The following B3GALT1 variants were observed in gnomAD, a reference collection of about 807,000 sequenced individuals.
B3GALT1 encodes UDP-Gal:betaGlcNAc beta 1,3-galactosyltransferase, polypeptide 1.
Under a neutral mutation model 23.2 loss-of-function variants are expected in B3GALT1, and 10 were observed. That is an observed-to-expected ratio of 0.43 (90% CI 0.27 to 0.73). The LOEUF (loss-of-function observed/expected upper bound fraction) is 0.73. Among genes scored for constraint, B3GALT1 ranks in the 30% least tolerant of loss-of-function variants. The pLI is 0.21. For missense variants in B3GALT1, 299 were observed against 405.4 expected (o/e 0.74, Z 2.25); for synonymous variants, 156 against 141.5 (o/e 1.10, Z -0.73).
chr2:167,500,359 C>T (rs1002935569), intron 2 of B3GALT1, among the ~76,000 whole-genome samples: 2 of 152,092 alleles, frequency 1.3e-5, no homozygotes, highest in Non-Finnish European at 2.9e-5. Flanking sequence ...TTCAGTGGCA[C>T]TTCTTCTAAA....
intron 2 of B3GALT1, among the ~76,000 whole-genome samples, chr2:167,596,104 T>G (rs1684769528): frequency 6.6e-6 from 1 of 152,200 alleles, no homozygotes; most frequent in African/African-American, 2.4e-5. Flanking sequence ...ATTTCTTCCT[T>G]TTAGCCTAGA....
intron 1 of B3GALT1, among the ~76,000 whole-genome samples, chr2:167,401,030 T>C (rs557225634): frequency 1.3e-5 from 2 of 152,248 alleles, no homozygotes; most frequent in African/African-American, 4.8e-5. Context: ...CAGGTCTTAA[T>C]TGAGTAGGCA....
intron 1 of B3GALT1, among the ~76,000 whole-genome samples, chr2:167,456,363 TCCCACCAGGC>T (rs957737195): frequency 6.6e-6 from 1 of 152,082 alleles, no homozygotes; most frequent in African/African-American, 2.4e-5. Context: ...GATCAACACC[TCCCACCAGGC>T]CCCACCTACA....
intron 4 of B3GALT1, among the ~76,000 whole-genome samples, chr2:167,821,049 A>G (rs1192629155): frequency 6.6e-6 from 1 of 152,206 alleles, no homozygotes. Context: ...ATGCAATCCT[A>G]ATGCCTTCCC....
At chr2:167,818,405 T>C (rs1259206032) in intron 3 of B3GALT1, among the ~76,000 whole-genome samples, 2 of 152,168 alleles carry the variant, frequency 1.3e-5, no homozygotes, top group African/African-American at 4.8e-5. Context: ...ACACCCAGTC[T>C]GCTGGCTCAT....
At chr2:167,793,182 C>A (rs1558980782) in intron 3 of B3GALT1, among the ~76,000 whole-genome samples, 1 of 152,166 alleles carries the variant, frequency 6.6e-6, no homozygotes, top group Non-Finnish European at 1.5e-5. Context: ...ATGCTGCTCG[C>A]AGGCACAGGA....
At chr2:167,540,283 G>T (rs1683514283) in intron 2 of B3GALT1, among the ~76,000 whole-genome samples, 1 of 152,088 alleles carries the variant, frequency 6.6e-6, no homozygotes, top group Non-Finnish European at 1.5e-5. Context: ...AAACTATAGT[G>T]CCCTGCTATT....
At chr2:167,449,376 A>G (rs915783315) in intron 1 of B3GALT1, among the ~76,000 whole-genome samples, 6 of 151,908 alleles carry the variant, frequency 3.9e-5, no homozygotes, top group Non-Finnish European at 5.9e-5. Context: ...AAAGGTGTTG[A>G]GTTCTTGATT....
chr2:167,775,941 C>T (rs1348428074), intron 3 of B3GALT1, among the ~76,000 whole-genome samples: 1 of 151,684 alleles, frequency 6.6e-6, no homozygotes, highest in Non-Finnish European at 1.5e-5. Context: ...CTTCAGGGAC[C>T]TGTAACTAAA....
intron 3 of B3GALT1, chr2:167,714,027 G>T: frequency 6.5e-7 from 1 of 1,541,468 alleles, no homozygotes; most frequent in South Asian, 1.1e-5. Context: ...TTTTCGGCAG[G>T]GAGAGATGAA....
At chr2:167,491,482 G>GTTTTTTTTTTTTTTTTTT (rs1491334969) in intron 2 of B3GALT1, among the ~76,000 whole-genome samples, 1 of 97,596 alleles carries the variant, frequency 1.0e-5, no homozygotes, top group African/African-American at 4.1e-5. Context: ...TTTTACTTTT[G>GTTTTTTTTTTTTTTTTTT]CTTTTTTTTT....
chr2:167,811,859 T>TATC (rs1267102594), intron 3 of B3GALT1, among the ~76,000 whole-genome samples: 1 of 152,204 alleles, frequency 6.6e-6, no homozygotes, highest in Non-Finnish European at 1.5e-5. Context: ...TCCCAGCACA[T>TATC]ATCAGGTCAA....
intron 1 of B3GALT1, among the ~76,000 whole-genome samples, chr2:167,471,722 A>G (rs1323324484): frequency 6.6e-6 from 1 of 152,192 alleles, no homozygotes; most frequent in African/African-American, 2.4e-5. Context: ...TTACCTTCCT[A>G]TTAATAAATA....
At chr2:167,457,125 G>C (rs1699184277) in intron 1 of B3GALT1, among the ~76,000 whole-genome samples, 1 of 152,008 alleles carries the variant, frequency 6.6e-6, no homozygotes, top group South Asian at 2.1e-4. Context: ...TGGGGACAAA[G>C]GCCCAATATA....
At chr2:167,356,908 G>A (rs1027418851) in intron 1 of B3GALT1, among the ~76,000 whole-genome samples, 15 of 151,654 alleles carry the variant, frequency 9.9e-5, no homozygotes, top group Non-Finnish European at 1.8e-4. Flanking sequence ...ACTCTCAAAT[G>A]GATTAGTAAT....
chr2:167,862,452 T>C (rs748485659), intron 4 of B3GALT1, among the ~76,000 whole-genome samples: 3 of 152,212 alleles, frequency 2.0e-5, no homozygotes, highest in African/African-American at 7.2e-5. Flanking sequence ...TTCAGTGAAT[T>C]AGGTGATGCT....
At chr2:167,313,437 TAAAG>T (rs1297086593) in intron 1 of B3GALT1, among the ~76,000 whole-genome samples, 2 of 152,140 alleles carry the variant, frequency 1.3e-5, no homozygotes, top group Non-Finnish European at 2.9e-5. Flanking sequence ...AATTTAAACA[TAAAG>T]AGATACCTGT....
intron 3 of B3GALT1, among the ~76,000 whole-genome samples, chr2:167,744,864 A>G (rs1687629900): frequency 6.6e-6 from 1 of 152,246 alleles, no homozygotes; most frequent in Non-Finnish European, 1.5e-5. Context: ...CTGGGATTAC[A>G]GGCGTGAACC....
At chr2:167,312,832 G>A (rs1008637091) in intron 1 of B3GALT1, among the ~76,000 whole-genome samples, 3 of 152,046 alleles carry the variant, frequency 2.0e-5, no homozygotes, top group Non-Finnish European at 4.4e-5. Context: ...GGCATGGCTA[G>A]TTGTACCACC....
Sources: gnomAD v4.1 joint callset for allele counts (sites outside exome capture counted in the v4.1 genomes callset) on GRCh38, gnomAD v4.1.1 for gene constraint, MANE v1.5 for transcripts, NCBI Gene and HGNC (gene_info 2026-07-23, HGNC 2026-07-21) for gene names.